MYO5A: variants seen among roughly 807,000 people sequenced by gnomAD.
The protein encoded by MYO5A is myosin VA, also known as unconventional myosin-Va.
A neutral mutation model predicts 249.7 loss-of-function variants in MYO5A; 98 were observed. The ratio of observed to expected loss-of-function variants is 0.39; its 90% CI spans 0.33 to 0.46. The LOEUF is 0.46. MYO5A is among the 20% of genes least tolerant of loss of function. The probability of loss-of-function intolerance (pLI) is 0.98; values close to 1 mark genes in which losing one functional copy is unlikely to be tolerated. For synonymous variants in MYO5A, 778 were observed against 810.6 expected, an observed-to-expected ratio of 0.96 and a Z score of 0.68; for missense variants, 1,696 against 2,308.8, an observed-to-expected ratio of 0.73 and a Z score of 5.44.
At chr15:52,414,787 T>C (rs957306582) in intron 5 of MYO5A, among the ~76,000 whole-genome samples, 45 of 152,332 alleles carry the variant, frequency 3.0e-4, no homozygotes, top group African/African-American at 9.4e-4. Flanking sequence ...CCACAGATTC[T>C]ATTTCCCCAG....
At chr15:52,480,852 A>G (rs923707555) in intron 1 of MYO5A, among the ~76,000 whole-genome samples, 3 of 152,194 alleles carry the variant, frequency 2.0e-5, no homozygotes, top group Admixed American at 1.3e-4. Flanking sequence ...GCTTCCTTAC[A>G]TATAGCTAAA....
At chr15:52,432,891 T>C (rs2075572829) in intron 2 of MYO5A, among the ~76,000 whole-genome samples, 1 of 152,186 alleles carries the variant, frequency 6.6e-6, no homozygotes, top group Non-Finnish European at 1.5e-5. Context: ...ACCAGTTAAA[T>C]GCAAGAGTTT....
At chr15:52,481,120 T>G (rs2076706126) in intron 1 of MYO5A, among the ~76,000 whole-genome samples, 2 of 152,316 alleles carry the variant, frequency 1.3e-5, no homozygotes, top group Admixed American at 1.3e-4. Flanking sequence ...CTAGCATTAT[T>G]AGGTGCAAGC....
intron 18 of MYO5A, among the ~76,000 whole-genome samples, chr15:52,378,497 GAAAGAGCAAGACTGTCTCA>G (rs2141115942): frequency 8.8e-5 from 2 of 22,684 alleles, no homozygotes; most frequent in East Asian, 1.2e-3. Flanking sequence ...CAGCCTGGGT[GAAAGAGCAAGACTGTCTCA>G]AAAAAAAAAA....
intron 1 of MYO5A, among the ~76,000 whole-genome samples, chr15:52,485,259 TAAAAAA>T (rs72085613): frequency 2.9e-5 from 3 of 102,760 alleles, no homozygotes; most frequent in Admixed American, 1.0e-4. Context: ...ATTCACTATG[TAAAAAA>T]AAAAAAAAAA....
At chr15:52,393,364 A>G (rs1042988373) in intron 11 of MYO5A, among the ~76,000 whole-genome samples, 1 of 147,822 alleles carries the variant, frequency 6.8e-6, no homozygotes, top group African/African-American at 2.5e-5. Context: ...TTGTAATGCC[A>G]CTCTTGGCTC....
chr15:52,374,935 T>TC (rs2041324608), intron 20 of MYO5A, among the ~76,000 whole-genome samples: 1 of 152,194 alleles, frequency 6.6e-6, no homozygotes, highest in Non-Finnish European at 1.5e-5. Context: ...AAAGTTTTTT[T>TC]CCCATTGTTT....
chr15:52,413,536 G>A (rs543085930), intron 5 of MYO5A, among the ~76,000 whole-genome samples: 43 of 152,254 alleles, frequency 2.8e-4, no homozygotes, highest in Middle Eastern at 6.8e-3. Flanking sequence ...ATTATCCTAT[G>A]AGGAGTTTCA....
chr15:52,328,563 G>C (rs2038720917), intron 35 of MYO5A, among the ~76,000 whole-genome samples: 1 of 152,166 alleles, frequency 6.6e-6, no homozygotes, highest in South Asian at 2.1e-4. Flanking sequence ...ATCATCTCCT[G>C]CTGGGCTGCT....
At chr15:52,482,727 AT>A (rs1256275970) in intron 1 of MYO5A, among the ~76,000 whole-genome samples, 3 of 151,888 alleles carry the variant, frequency 2.0e-5, no homozygotes, top group African/African-American at 2.4e-5. Flanking sequence ...CTTTAAAAAA[AT>A]TTTTTTAAGT....
chr15:52,523,232 A>G (rs758323657), intron 1 of MYO5A, among the ~76,000 whole-genome samples: 33 of 148,556 alleles, frequency 2.2e-4, no homozygotes, highest in Non-Finnish European at 3.3e-4. Flanking sequence ...CCCCTGCCTC[A>G]GTCCACCAGA....
chr15:52,314,302 C>T, intron 40 of MYO5A, 99 bp from the exon 41 acceptor site: 1 of 861,744 alleles, frequency 1.2e-6, no homozygotes, highest in Non-Finnish European at 1.9e-6. Context: ...GTACAGATTT[C>T]AGTTCTACTC....
At chr15:52,515,300 A>C (rs1475778285) in intron 1 of MYO5A, among the ~76,000 whole-genome samples, 1 of 151,496 alleles carries the variant, frequency 6.6e-6, no homozygotes, top group Non-Finnish European at 1.5e-5. Flanking sequence ...GAAAGAAAGA[A>C]AGAAAAAAAA....
At chr15:52,330,553 G>C (rs2038842922) in intron 34 of MYO5A, 54 bp from the exon 35 acceptor site, 1 of 1,600,946 alleles carries the variant, frequency 6.2e-7, no homozygotes, top group Non-Finnish European at 8.6e-7. Flanking sequence ...AAAAACATGA[G>C]AGGTCTCCAA....
At chr15:52,441,850 A>C (rs1044077755) in intron 1 of MYO5A, among the ~76,000 whole-genome samples, 3 of 152,250 alleles carry the variant, frequency 2.0e-5, no homozygotes, top group South Asian at 2.1e-4. Flanking sequence ...AACTTTGTCT[A>C]TTCAGCAGGG....
At chr15:52,340,952 C>CA (rs71676013) in intron 31 of MYO5A, among the ~76,000 whole-genome samples, 12,582 of 77,660 alleles carry the variant, frequency 0.16, 1,672 homozygotes, top group African/African-American at 0.41. Context: ...AACTTCGTCT[C>CA]AAAAAAAAAA....
intron 18 of MYO5A, among the ~76,000 whole-genome samples, chr15:52,377,187 G>A (rs2041459527): frequency 1.3e-5 from 2 of 152,142 alleles, no homozygotes; most frequent in Non-Finnish European, 2.9e-5. Context: ...ACTTCGGGAG[G>A]TCAAGGCTGG....
chr15:52,381,240 T>C (rs2041727232), intron 16 of MYO5A, among the ~76,000 whole-genome samples: 1 of 152,274 alleles, frequency 6.6e-6, no homozygotes, highest in Non-Finnish European at 1.5e-5. Context: ...TCCTGAGGGC[T>C]GTCCAGGACA....
At chr15:52,429,137 G>A (rs891189145) in intron 2 of MYO5A, among the ~76,000 whole-genome samples, 7 of 152,024 alleles carry the variant, frequency 4.6e-5, no homozygotes, top group African/African-American at 9.7e-5. Context: ...CTGAAATTAC[G>A]TGCAACAACT....
Sources: gnomAD v4.1 joint callset for allele counts (sites outside exome capture counted in the v4.1 genomes callset) on GRCh38, gnomAD v4.1.1 for gene constraint, MANE v1.5 for transcripts, NCBI Gene and HGNC (gene_info 2026-07-23, HGNC 2026-07-21) for gene names.